Variants in CCDC148 observed in about 807,000 individuals in gnomAD.
CCDC148 encodes coiled-coil domain containing 148.
In CCDC148, 89 loss-of-function variants were observed where a neutral mutation model predicts 85.7. The observed-to-expected ratio is 1.04, with a 90% CI of 0.87 to 1.24. CCDC148 has a LOEUF of 1.24. CCDC148 is among the 50% of genes most tolerant of loss of function. The pLI, the probability that CCDC148 is intolerant of heterozygous loss-of-function variation, is 0.00. For missense variants in CCDC148, 692 were observed against 671.7 expected (o/e 1.03, Z -0.33); for synonymous variants, 230 against 213.9 (o/e 1.08, Z -0.66).
chr2:158,215,826 TGTAGCCCTCACG>T (rs563628920), intron 11 of CCDC148, among the ~76,000 whole-genome samples: 1 of 152,326 alleles, frequency 6.6e-6, no homozygotes. Context: ...TATTTGGATA[TGTAGCCCTCACG>T]GTGGGAGTCA....
chr2:158,294,906 A>G (rs1379357147), intron 9 of CCDC148, among the ~76,000 whole-genome samples: 1 of 151,826 alleles, frequency 6.6e-6, no homozygotes, highest in Non-Finnish European at 1.5e-5. Flanking sequence ...ACTGTATGAG[A>G]ATTCCAGTTG....
At chr2:158,173,073 G>A (rs1684392848) in intron 13 of CCDC148, among the ~76,000 whole-genome samples, 1 of 152,068 alleles carries the variant, frequency 6.6e-6, no homozygotes, top group South Asian at 2.1e-4. Context: ...ATGGCAACAT[G>A]TGGCAGATGC....
intron 9 of CCDC148, among the ~76,000 whole-genome samples, chr2:158,264,897 C>T (rs1336864225): frequency 9.2e-5 from 14 of 152,068 alleles, no homozygotes. Flanking sequence ...GAATAACGTG[C>T]ATTATTCTGA....
chr2:158,426,059 G>A lies in CCDC148; in HGVS notation c.25+30356C>T, dbSNP rs1687063863. 2.0e-5 allele frequency among the ~76,000 whole-genome samples: 3 copies of A among 151,694 alleles called. No individual in the cohort carries two copies. In the South Asian group the frequency reaches 6.3e-4, roughly 32 times the overall value. ...CATGCAATTATAATCATAACACCAT[G>A]ATGTTAATTCTCTTAGTAAAAATCC... On this transcript the variant is annotated intron_variant, in intron 1 of 13. Coordinates refer to ENST00000283233, the MANE Select transcript of CCDC148 (RefSeq NM_138803.4).
chr2:158,453,890 T>G (rs756329791), intron 1 of CCDC148, among the ~76,000 whole-genome samples: 3 of 152,180 alleles, frequency 2.0e-5, no homozygotes, highest in Non-Finnish European at 2.9e-5. Context: ...AGTGTCAGCC[T>G]GAGCACAGGC....
chr2:158,381,023 A>G (rs975113046), intron 1 of CCDC148: 5 of 152,302 alleles, frequency 3.3e-5, no homozygotes, highest in Admixed American at 3.3e-4. Context: ...TTTGGAAGAA[A>G]ACAAAGGAGA....
chr2:158,419,852 G>A (rs1315946643), intron 1 of CCDC148: 1 of 152,100 alleles, frequency 6.6e-6, no homozygotes, highest in Non-Finnish European at 1.5e-5. Flanking sequence ...TTGAAAGTAG[G>A]TCTTTCCCCA....
intron 11 of CCDC148, among the ~76,000 whole-genome samples, chr2:158,216,522 G>A (rs1686870921): frequency 1.3e-5 from 2 of 149,778 alleles, no homozygotes; most frequent in Non-Finnish European, 3.0e-5. Flanking sequence ...TCAGCCTCCT[G>A]AGTAGCTGGG....
At chr2:158,233,397 A>C (rs1202916999) in intron 10 of CCDC148, among the ~76,000 whole-genome samples, 2 of 151,740 alleles carry the variant, frequency 1.3e-5, no homozygotes, top group Non-Finnish European at 2.9e-5. Context: ...GATCAATTTT[A>C]CAATTATCTA....
intron 7 of CCDC148, among the ~76,000 whole-genome samples, chr2:158,323,919 CTTTTT>C (rs777356867): frequency 1.3e-3 from 104 of 82,970 alleles, no homozygotes; most frequent in African/African-American, 1.9e-3. Context: ...CTGGGAATAA[CTTTTT>C]TTTTTTTTTT....
chr2:158,439,629 A>T (rs1195162913), intron 1 of CCDC148, among the ~76,000 whole-genome samples: 1 of 151,612 alleles, frequency 6.6e-6, no homozygotes, highest in Non-Finnish European at 1.5e-5. Flanking sequence ...GTATAAAAAG[A>T]AAAAAAAAGA....
chr2:158,177,880 C>T (rs573089046), intron 12 of CCDC148, among the ~76,000 whole-genome samples: 2 of 152,234 alleles, frequency 1.3e-5, no homozygotes, highest in East Asian at 3.9e-4. Flanking sequence ...ACCTCGGTGT[C>T]TCCTCTGTTT....
At chr2:158,251,631 A>G (rs1416344466) in intron 9 of CCDC148, among the ~76,000 whole-genome samples, 3 of 151,806 alleles carry the variant, frequency 2.0e-5, no homozygotes, top group Non-Finnish European at 3.0e-5. Context: ...GAAAAAGTCT[A>G]AAGTCTGGCA....
chr2:158,264,358 G>T (rs1192218722), intron 9 of CCDC148, among the ~76,000 whole-genome samples: 1 of 151,984 alleles, frequency 6.6e-6, no homozygotes, highest in Admixed American at 6.6e-5. Context: ...GACCAAGAAT[G>T]GAATGTGATT....
chr2:158,228,097 C>A (rs10933463), intron 10 of CCDC148, among the ~76,000 whole-genome samples: 99,887 of 151,890 alleles, frequency 0.66, 33,999 homozygotes, highest in East Asian at 0.89. Context: ...CAATGAACTC[C>A]AACAAATTTA....
intron 9 of CCDC148, among the ~76,000 whole-genome samples, chr2:158,260,749 T>A (rs116755279): frequency 6.6e-6 from 1 of 151,912 alleles, no homozygotes; most frequent in African/African-American, 2.4e-5. Context: ...AAAACACGAA[T>A]GCAATCTGAT....
chr2:158,197,334 G>A (rs959077784), intron 11 of CCDC148, among the ~76,000 whole-genome samples: 16 of 151,984 alleles, frequency 1.1e-4, no homozygotes, highest in African/African-American at 3.1e-4. Context: ...GTCTAATTAC[G>A]AAAAAGTCAC....
intron 10 of CCDC148, among the ~76,000 whole-genome samples, chr2:158,223,176 C>T (rs769710702): frequency 1.2e-4 from 18 of 152,306 alleles, no homozygotes; most frequent in Admixed American, 7.8e-4. Context: ...TCATATCCCT[C>T]GCCTGGCTTG....
At chr2:158,380,246 T>C (rs936789947) in intron 1 of CCDC148, among the ~76,000 whole-genome samples, 1 of 152,132 alleles carries the variant, frequency 6.6e-6, no homozygotes, top group African/African-American at 2.4e-5. Flanking sequence ...TTAGTGATCA[T>C]AGGGGATTGG....
Sources: gnomAD v4.1 joint callset for allele counts (sites outside exome capture counted in the v4.1 genomes callset) on GRCh38, gnomAD v4.1.1 for gene constraint, MANE v1.5 for transcripts, NCBI Gene and HGNC (gene_info 2026-07-23, HGNC 2026-07-21) for gene names.